EHBP1L1: variants seen among roughly 807,000 people sequenced by gnomAD.
EHBP1L1 encodes the protein EH domain binding protein 1 like 1.
In EHBP1L1, 122 loss-of-function variants were observed where a neutral mutation model predicts 151.1. The observed-to-expected ratio is 0.81, with a 90% CI of 0.70 to 0.94. The LOEUF is 0.94. EHBP1L1 is among the 40% of genes least tolerant of loss of function. EHBP1L1 has a pLI of 0.00. For missense variants in EHBP1L1, 1,941 were observed against 1,959.8 expected, an observed-to-expected ratio of 0.99 and a Z score of 0.18; for synonymous variants, 878 against 810.1, an observed-to-expected ratio of 1.08 and a Z score of -1.42.
At chr11:65,576,432 T>TC in intron 1 of EHBP1L1, 26 bp downstream of exon 1, 2 of 1,538,044 alleles carry the variant, frequency 1.3e-6, no homozygotes, top group South Asian at 2.4e-5. Flanking sequence ...GCGGGGGGGC[T>TC]CCCCCGAACT....
chr11:65,576,484 G>GC (rs1187078627), intron 1 of EHBP1L1, 78 bp downstream of exon 1: 45 of 1,316,330 alleles, frequency 3.4e-5, no homozygotes, highest in Non-Finnish European at 3.4e-5. Flanking sequence ...AGAGGACTCT[G>GC]CCCCCCCAGC....
chr11:65,577,239 G>A (rs985567799), intron 1 of EHBP1L1, among the ~76,000 whole-genome samples: 1 of 151,964 alleles, frequency 6.6e-6, no homozygotes, highest in Non-Finnish European at 1.5e-5. Flanking sequence ...GGCCTCACCC[G>A]CCAGGCGGGG....
chr11:65,588,816 C>CTGTG (rs1858107723), intron 12 of EHBP1L1, among the ~76,000 whole-genome samples: 1 of 152,170 alleles, frequency 6.6e-6, no homozygotes, highest in African/African-American at 2.4e-5. Context: ...CTGGCTTGTC[C>CTGTG]TGTGTGTGTG....
At chr11:65,577,810 T>C (rs192292705) in intron 1 of EHBP1L1, among the ~76,000 whole-genome samples, 113 of 152,310 alleles carry the variant, frequency 7.4e-4, no homozygotes, top group Admixed American at 1.9e-3. Flanking sequence ...CGTGTAAACT[T>C]GTTTGGCTCC....
At chr11:65,581,440 A>G in intron 8 of EHBP1L1, 67 bp downstream of exon 8, 1 of 1,429,692 alleles carries the variant, frequency 7.0e-7, no homozygotes, top group Non-Finnish European at 9.3e-7. Flanking sequence ...CACCCCCACC[A>G]ACCTGCCTCC....
Position 65,581,115 on chromosome 11 carries a change from C to A in EHBP1L1, c.692C>A (p.Pro231His), listed in dbSNP as rs1308068896. ...CEEEEEGQGR[P>H]QQAVASPSNA... ...GAGGAGGAGGAAGGCCAAGGACGAC[C>A]CCAGCAGGCAGGTGAGACCCAGGCT... The change falls in exon 7 of 19, where the codon CCC becomes CAC. Residue 231 changes from proline (P) to histidine (H), a missense_variant. Pro to His is a moderately conservative substitution (Grantham distance 77). Coordinates refer to ENST00000309295, the MANE Select transcript of EHBP1L1 (RefSeq NM_001099409.3). The A allele has an allele frequency of 6.2e-7, 1 of 1,612,892 alleles. No individual in the cohort carries two copies. The highest frequency in any genetic ancestry group is 1.7e-5 in the Admixed American group (1 of 59,940).
In EHBP1L1 at chr11:65,581,704, G is replaced by A; in HGVS notation, c.1032G>A (p.Gln344=). Residue 344 remains glutamine, a synonymous_variant, in exon 9 of 19, where the codon CAG becomes CAA. Coordinates refer to ENST00000309295, the MANE Select transcript of EHBP1L1 (RefSeq NM_001099409.3). Reference sequence around the variant, plus strand: ...GCTCTGCTAGGGAGACCCAGGCCCAGGCATGCCCTCAGGAAGGGACAGAAG... The same window carrying A: ...GCTCTGCTAGGGAGACCCAGGCCCAAGCATGCCCTCAGGAAGGGACAGAAG... ...GLGSARETQA[Q]ACPQEGTEAH... 2 of 1,583,630 alleles carry A rather than the reference G, an allele frequency of 1.3e-6. No homozygotes were observed. Among genetic ancestry groups the A allele is most frequent in the Non-Finnish European group, 1.7e-6 (2 of 1,165,316 alleles).
chr11:65,587,405 C>T (rs1267862799), intron 12 of EHBP1L1, among the ~76,000 whole-genome samples: 2 of 151,794 alleles, frequency 1.3e-5, no homozygotes, highest in Non-Finnish European at 2.9e-5. Flanking sequence ...TTGAGTTAGA[C>T]ATGAGGAAGC....
At position 65,581,521 on chromosome 11, in the gene EHBP1L1, C is replaced by A; in HGVS notation, c.867-18C>A. On this transcript the variant is annotated intron_variant, in intron 8 of 18. Transcript: ENST00000309295. ...GGCCAAAGCAGCCCCCCAACTCCCC[C>A]TCCTGCTCTCTTCTCAGGTCTTCAA... 1 of 1,472,664 alleles carries A rather than the reference C, an allele frequency of 6.8e-7. No individual in the cohort carries two copies. The highest frequency in any genetic ancestry group is 9.0e-7 in the Non-Finnish European group (1 of 1,109,926). The allele number at this position is 1,472,664 out of a possible 1,614,324, so 91.2% of individuals were successfully genotyped here.
chr11:65,583,710 C>G lies in EHBP1L1; in HGVS notation c.3038C>G (p.Pro1013Arg). The change falls in exon 9 of 19, where the codon CCC becomes CGC. Residue 1013 changes from proline (P) to arginine (R), a missense_variant. Transcript: ENST00000309295. ...GCCAGTGGGGCAGGGGCTGGGGCGC[C>G]CAGGGCCTCTTCCCCAGAGAAGGCT... ...QVASGAGAGA[P>R]RASSPEKAEE... 1 of 1,555,136 alleles carries G rather than the reference C, an allele frequency of 6.4e-7. No individual in the cohort carries two copies. Among genetic ancestry groups the G allele is most frequent in the East Asian group, 2.4e-5 (1 of 42,182 alleles).
At position 65,582,283 on chromosome 11, in the gene EHBP1L1, G is replaced by C; in HGVS notation, c.1611G>C (p.Gln537His). 6.5e-7 allele frequency: 1 copy of C among 1,531,458 alleles called. No homozygotes were observed. Among genetic ancestry groups the C allele is most frequent in the Non-Finnish European group, 8.7e-7 (1 of 1,144,718 alleles). 94.9% of individuals were successfully genotyped at this position (1,531,458 alleles called of 1,614,324 possible). The change falls in exon 9 of 19, where the codon CAG becomes CAC. Residue 537 changes from glutamine (Q) to histidine (H), a missense_variant. Transcript: ENST00000309295. Reference sequence around the variant, plus strand: ...TTGGAGCAATAAGCACCAGGCCCCAGGTGAGCAGCTGGCAGGGGGCCCTGT... The same window carrying C: ...TTGGAGCAATAAGCACCAGGCCCCACGTGAGCAGCTGGCAGGGGGCCCTGT... ...PSVGAISTRPQVSSWQGALLS... is the reference protein window; with the variant it reads ...PSVGAISTRPHVSSWQGALLS...
Position 65,576,197 on chromosome 11 carries a change from ACGGGGCGGG to A in EHBP1L1, c.-102_-94del. The A allele has an allele frequency of 1.0e-6, 1 of 990,428 alleles. No homozygotes were observed. Among genetic ancestry groups the A allele is most frequent in the Non-Finnish European group, 1.4e-6 (1 of 737,822 alleles). 61.4% of individuals were successfully genotyped at this position (990,428 alleles called of 1,614,324 possible). On this transcript the variant is annotated 5_prime_UTR_variant, in exon 1 of 19. Coordinates refer to ENST00000309295, the MANE Select transcript of EHBP1L1 (RefSeq NM_001099409.3). ...CGGAGCCTGGGACACCTCCGCACGG[ACGGGGCGGG>A]CGGCGCGGACAGGCCATGGGGACCC...
rs761077870 is a variant in EHBP1L1 at position 65,580,230 on chromosome 11, C to T, written c.462C>T (p.Ser154=). 20 of 1,613,456 alleles carry T rather than the reference C, an allele frequency of 1.2e-5. 1 individual carries two copies. The highest frequency in any genetic ancestry group is 1.6e-4 in the Middle Eastern group (1 of 6,082). The part of the protein sequence containing the change: ...VVQAELSLTL[S]GVLLREGRAT... ...AGGCTGAGCTGAGCCTCACTCTTTC[C>T]GGGGTGCTGCTGCGGGAGGGCCGTG... is the stretch of plus-strand genomic sequence containing the variant. The change falls in exon 5 of 19, where the codon TCC becomes TCT. Residue 154 remains serine, a synonymous_variant. Coordinates refer to ENST00000309295, the MANE Select transcript of EHBP1L1 (RefSeq NM_001099409.3).
In EHBP1L1 at chr11:65,582,545, A is replaced by G; in HGVS notation, c.1873A>G (p.Thr625Ala). ...GGTCCTGGAGTCAGAGGTTGCTGGG[A>G]CAGCACAGTGTGAGGGACTGGAGAC... ...SRVLESEVAG[T>A]AQCEGLETQE... The change falls in exon 9 of 19, where the codon ACA becomes GCA. Residue 625 changes from threonine (T) to alanine (A), a missense_variant. Physicochemically the swap from Thr to Ala is moderately conservative, Grantham distance 58 (BLOSUM62 0). Coordinates refer to ENST00000309295, the MANE Select transcript of EHBP1L1 (RefSeq NM_001099409.3). The G allele has an allele frequency of 6.2e-7, 1 of 1,613,480 alleles. No homozygotes were observed. Among genetic ancestry groups the G allele is most frequent in the Non-Finnish European group, 8.5e-7 (1 of 1,179,828 alleles).
Position 65,582,191 on chromosome 11 carries a change from G to A in EHBP1L1, c.1519G>A (p.Glu507Lys). The A allele has an allele frequency of 6.4e-7, 1 of 1,554,282 alleles. No individual in the cohort carries two copies. The change falls in exon 9 of 19, where the codon GAG (glutamate) becomes AAG (lysine). Residue 507 changes from glutamate (E) to lysine (K), a missense_variant. Coordinates refer to ENST00000309295, the MANE Select transcript of EHBP1L1 (RefSeq NM_001099409.3). ...CAGGGCTGCTGCAGGCCAGGAGAGAGAGGGTGCAGAAGTGAGGGGTGGAGC... is the reference window on the plus strand; with the variant it reads ...CAGGGCTGCTGCAGGCCAGGAGAGAAAGGGTGCAGAAGTGAGGGGTGGAGC... ...GARAAAGQER[E>K]GAEVRGGAPG...
At chr11:65,587,966 T>C (rs1239093036) in intron 12 of EHBP1L1, among the ~76,000 whole-genome samples, 2 of 152,246 alleles carry the variant, frequency 1.3e-5, no homozygotes, top group Non-Finnish European at 2.9e-5. Flanking sequence ...AGATATTAGC[T>C]GCTGTTATTA....
In EHBP1L1 at chr11:65,583,636, AGAAGCTGAGG is replaced by A. The variant is rs2135278706; in HGVS notation, c.2970_2979del (p.Glu991SerfsTer96). Reference sequence around the variant, plus strand: ...GGGTCTTGGGAAATGAGAAGGGGAAAGAAGCTGAGGGAAGCCTCACAGAGGCCAGCCTGCC... The same window carrying A: ...GGGTCTTGGGAAATGAGAAGGGGAAAGAAGCCTCACAGAGGCCAGCCTGCC... On this transcript the variant is annotated frameshift_variant, in exon 9 of 19. Transcript: ENST00000309295. LOFTEE classifies it high-confidence loss of function. The A allele has an allele frequency of 6.2e-7, 1 of 1,603,738 alleles. No homozygotes were observed. Among genetic ancestry groups the A allele is most frequent in the Non-Finnish European group, 8.5e-7 (1 of 1,175,256 alleles).
rs1457652218 is a variant in EHBP1L1 at position 65,592,001 on chromosome 11, G to A, written c.4383G>A (p.Gln1461=). The part of the protein sequence containing the change: ...IEDWQKTSAQ[Q]HREQLLLEEL... ...ACTGGCAGAAAACGTCCGCTCAGCA[G>A]CACCGAGAGCAGCTCCTACTGGAGG... is the stretch of plus-strand genomic sequence containing the variant. Residue 1461 remains glutamine, a synonymous_variant, in exon 18 of 19, where the codon CAG becomes CAA. Transcript: ENST00000309295. The A allele has an allele frequency of 3.1e-6, 5 of 1,613,034 alleles. No individual in the cohort carries two copies. The highest frequency in any genetic ancestry group is 4.2e-6 in the Non-Finnish European group (5 of 1,179,520).
Position 65,590,118 on chromosome 11 carries a change from G to A in EHBP1L1, c.4091G>A (p.Cys1364Tyr). 6.2e-7 allele frequency: 1 copy of A among 1,613,816 alleles called. No individual in the cohort carries two copies. The highest frequency in any genetic ancestry group is 1.7e-4 in the Middle Eastern group (1 of 6,060). ...QRFQDTSQYV[C>Y]AELQALEQEQ... ...TTCCAGGACACAAGTCAGTACGTGTGTGCAGAGCTGCAGGCCCTGGAACAG... is the reference window on the plus strand; with the variant it reads ...TTCCAGGACACAAGTCAGTACGTGTATGCAGAGCTGCAGGCCCTGGAACAG... Residue 1364 changes from cysteine to tyrosine, a missense_variant, in exon 15 of 19, where the codon TGT (cysteine) becomes TAT (tyrosine). Physicochemically the swap from Cys to Tyr is radical, Grantham distance 194 (BLOSUM62 -2). Transcript: ENST00000309295.
Sources: gnomAD v4.1 joint callset for allele counts (sites outside exome capture counted in the v4.1 genomes callset) on GRCh38, gnomAD v4.1.1 for gene constraint, MANE v1.5 for transcripts, NCBI Gene and HGNC (gene_info 2026-07-23, HGNC 2026-07-21) for gene names.